GSE1: variants seen among roughly 807,000 people sequenced by gnomAD.
GSE1 encodes the protein genetic suppressor element 1.
A neutral mutation model predicts 112.6 loss-of-function variants in GSE1; 32 were observed. That is an observed-to-expected ratio of 0.28 (90% CI 0.21 to 0.38). The LOEUF (loss-of-function observed/expected upper bound fraction) is 0.38, where lower values mean the gene tolerates loss of function less well. Ranked by LOEUF, GSE1 falls within the 10% of genes least tolerant of loss-of-function variation. The probability of loss-of-function intolerance (pLI) is 1.00; values close to 1 mark genes in which losing one functional copy is unlikely to be tolerated. For synonymous variants in GSE1, 1,115 were observed against 735.6 expected, an observed-to-expected ratio of 1.52 and a Z score of -8.35; for missense variants, 2,348 against 1,699.2, an observed-to-expected ratio of 1.38 and a Z score of -6.71.
In GSE1 at chr16:85,651,955, C is replaced by T. The variant is rs190786172; in HGVS notation, c.427-2323C>T. On this transcript the variant is annotated intron_variant, in intron 3 of 15. Coordinates refer to ENST00000253458, the MANE Select transcript of GSE1 (RefSeq NM_014615.5). Reference sequence around the variant, plus strand: ...CCTAGGAACAGGGTGTGTCCTTCCTCGTGCTCCGTTCCTCAGATGTTTGGC... The same window carrying T: ...CCTAGGAACAGGGTGTGTCCTTCCTTGTGCTCCGTTCCTCAGATGTTTGGC... Among the ~76,000 whole-genome samples, 254 of 152,336 alleles carry T rather than the reference C, an allele frequency of 1.7e-3. 2 individuals carry two copies. The highest frequency in any genetic ancestry group is 5.4e-3 in the African/African-American group (226 of 41,576).
intron 2 of GSE1, among the ~76,000 whole-genome samples, chr16:85,425,323 A>ATGTGAGGTGGTGACG (rs1180678596): frequency 0.62 from 94,348 of 151,758 alleles, 32,199 homozygotes; most frequent in Non-Finnish European, 0.76. Flanking sequence ...AGGTGGTGAC[A>ATGTGAGGTGGTGACG]GCAGGAAGCA....
chr16:85,341,384 G>A (rs555662707), intron 1 of GSE1, among the ~76,000 whole-genome samples: 14 of 152,310 alleles, frequency 9.2e-5, no homozygotes, highest in South Asian at 2.1e-4. Context: ...GAGGCCAGGC[G>A]TAGTGGCTTA....
At chr16:85,228,103 G>A (rs973966159) in intron 1 of GSE1, among the ~76,000 whole-genome samples, 1 of 152,220 alleles carries the variant, frequency 6.6e-6, no homozygotes, top group Non-Finnish European at 1.5e-5. Flanking sequence ...CAGGAGGAGG[G>A]AACAGCACGG....
intron 1 of GSE1, among the ~76,000 whole-genome samples, chr16:85,353,071 G>A (rs1010074042): frequency 2.4e-4 from 36 of 152,254 alleles, no homozygotes; most frequent in Non-Finnish European, 4.3e-4. Context: ...TTATCACACA[G>A]TTCAACTGGG....
At chr16:85,665,469 C>T (rs1449561881) in intron 12 of GSE1, among the ~76,000 whole-genome samples, 1 of 152,216 alleles carries the variant, frequency 6.6e-6, no homozygotes, top group Admixed American at 6.5e-5. Context: ...GGGCGTGCTC[C>T]AGCCTTAGTG....
intron 1 of GSE1, among the ~76,000 whole-genome samples, chr16:85,629,485 C>A (rs1340895340): frequency 6.6e-6 from 1 of 152,238 alleles, no homozygotes; most frequent in African/African-American, 2.4e-5. Flanking sequence ...CCAGCCTGCA[C>A]CGGAGATCGG....
At chr16:85,652,012 GGATCTA>G (rs1332399901) in intron 3 of GSE1, among the ~76,000 whole-genome samples, 10 of 152,232 alleles carry the variant, frequency 6.6e-5, no homozygotes. Context: ...GCGTGAGGCA[GGATCTA>G]GAAGCCCAGC....
chr16:85,483,026 G>A (rs9939055), intron 2 of GSE1, among the ~76,000 whole-genome samples: 2,885 of 151,600 alleles, frequency 0.019, 98 homozygotes, highest in African/African-American at 0.066. Flanking sequence ...GCAGTGCGAC[G>A]CTACATCTGG....
At chr16:85,331,695 A>G (rs111986528) in intron 1 of GSE1, among the ~76,000 whole-genome samples, 2 of 88,500 alleles carry the variant, frequency 2.3e-5, no homozygotes, top group African/African-American at 9.0e-5. Context: ...GTATATATAT[A>G]TATATATATA....
rs143980713 is a variant in GSE1, at chr16:85,494,011, G to C, written c.2464+136368G>C. ...AGGTGGGAGGATCGCTTGGGCCCAG[G>C]AGTTTGAGGCTACAGTCACAACATT... is the stretch of plus-strand genomic sequence containing the variant. On this transcript the variant is annotated intron_variant, in intron 2 of 2. Coordinates refer to the GSE1 transcript ENST00000637419. Among the ~76,000 whole-genome samples the C allele has an allele frequency of 2.9e-3, 441 of 152,366 alleles. 3 individuals are homozygous for C. Among genetic ancestry groups the C allele is most frequent in the African/African-American group, 0.01 (421 of 41,592 alleles).
chr16:85,266,431 G>A (rs572369066), intron 1 of GSE1, among the ~76,000 whole-genome samples: 10 of 152,268 alleles, frequency 6.6e-5, no homozygotes, highest in Non-Finnish European at 1.2e-4. Context: ...GGATGGCACC[G>A]TCTGCCAGGC....
At chr16:85,671,774 G>A (rs2053360435) in intron 15 of GSE1, 1 of 154,088 alleles carries the variant, frequency 6.5e-6, no homozygotes, top group Admixed American at 6.4e-5. Context: ...TATTAGAGAA[G>A]GGAAGCTGAA....
At chr16:85,421,631 G>A (rs1042886032) in intron 2 of GSE1, among the ~76,000 whole-genome samples, 1 of 152,180 alleles carries the variant, frequency 6.6e-6, no homozygotes, top group Non-Finnish European at 1.5e-5. Flanking sequence ...TTGCAGGCCC[G>A]AGCTTGTGAA....
chr16:85,496,900 G>GTTTTT (rs68076025), intron 2 of GSE1, among the ~76,000 whole-genome samples: 1 of 147,052 alleles, frequency 6.8e-6, no homozygotes, highest in Non-Finnish European at 1.5e-5. Context: ...CTGGGTCTTT[G>GTTTTT]TTGTTTTTTT....
intron 13 of GSE1, 79 bp downstream of exon 13, chr16:85,666,426 A>G: frequency 1.4e-6 from 2 of 1,384,880 alleles, no homozygotes; most frequent in South Asian, 1.2e-5. Context: ...ACAGCTGCTC[A>G]GCCGTTCAGC....
At chr16:85,526,432 C>T (rs951405354) in intron 2 of GSE1, among the ~76,000 whole-genome samples, 20 of 152,256 alleles carry the variant, frequency 1.3e-4, no homozygotes, top group South Asian at 8.3e-4. Flanking sequence ...CAGTCCCACG[C>T]GCGCCAGCAG....
chr16:85,334,093 G>T (rs1395857562), intron 1 of GSE1, among the ~76,000 whole-genome samples: 1 of 152,160 alleles, frequency 6.6e-6, no homozygotes, highest in East Asian at 1.9e-4. Flanking sequence ...CCCTGCTCCT[G>T]CCCTCACCAT....
rs148476881 is a variant in GSE1 at position 85,453,403 on chromosome 16, G to T, written c.2464+95760G>T. On this transcript the variant is annotated intron_variant, in intron 2 of 2. Transcript: ENST00000637419. ...GGCGTGCCAGGCAGTGACAGTGCAT[G>T]CCGGGGTGGCTGGACGTAGGAAGCA... 1.8e-3 allele frequency among the ~76,000 whole-genome samples: 281 copies of T among 152,322 alleles called. 1 individual carries two copies. Among genetic ancestry groups the T allele is most frequent in the African/African-American group, 5.7e-3 (236 of 41,568 alleles).
At chr16:85,478,919 CTTT>C (rs2050575896) in intron 2 of GSE1, among the ~76,000 whole-genome samples, 1 of 45,548 alleles carries the variant, frequency 2.2e-5, no homozygotes, top group African/African-American at 1.3e-4. Flanking sequence ...TTCTTTCTTT[CTTT>C]CTTTCTCTTT....
Sources: allele counts gnomAD v4.1 joint callset (sites outside exome capture counted in the v4.1 genomes callset), GRCh38; gene constraint gnomAD v4.1.1; transcripts MANE v1.5; gene names NCBI Gene and HGNC (gene_info 2026-07-23, HGNC 2026-07-21).